APLP2: variants seen among roughly 807,000 people sequenced by gnomAD.
APLP2 encodes amyloid beta precursor like protein 2, also known as CDEI box-binding protein.
APLP2 carries 53 observed loss-of-function variants against 89.9 expected under a neutral mutation model. The ratio of observed to expected loss-of-function variants is 0.59; its 90% CI spans 0.47 to 0.74. APLP2 has a LOEUF of 0.74. Among genes scored for constraint, APLP2 ranks in the 30% least tolerant of loss-of-function variants. The pLI, the probability that APLP2 is intolerant of heterozygous loss-of-function variation, is 0.00. For missense variants in APLP2, 973 were observed against 975.9 expected (o/e 1.00, Z 0.04); for synonymous variants, 372 against 348.6 (o/e 1.07, Z -0.75).
In APLP2 at chr11:130,111,039, G is replaced by T. The variant is rs139038666; in HGVS notation, c.403+378G>T. Among the ~76,000 whole-genome samples, 12 of 152,210 alleles carry T rather than the reference G, an allele frequency of 7.9e-5. 1 individual carries two copies. In the South Asian group the frequency reaches 2.5e-3, roughly 32 times the overall value. ...TTTCCCTTACTTTCATCCCACACACGTTTGCACCATTTGACCAAATTTCTG... is the reference window on the plus strand; with the variant it reads ...TTTCCCTTACTTTCATCCCACACACTTTTGCACCATTTGACCAAATTTCTG... On this transcript the variant is annotated intron_variant, in intron 3 of 16. Coordinates refer to ENST00000338167, the MANE Select transcript of APLP2 (RefSeq NM_001142276.2).
intron 3 of APLP2, among the ~76,000 whole-genome samples, chr11:130,116,700 A>G (rs936756598): frequency 6.6e-6 from 1 of 151,864 alleles, no homozygotes; most frequent in Non-Finnish European, 1.5e-5. Flanking sequence ...TTGAACTCCT[A>G]ACCTCAAGTG....
At position 130,126,812 on chromosome 11, in the gene APLP2, C is replaced by T. The variant is rs753242187; in HGVS notation, c.1203C>T (p.His401=). Residue 401 remains histidine (H), a synonymous_variant, in exon 8 of 17, where the codon CAC becomes CAT. Coordinates refer to ENST00000338167, the MANE Select transcript of APLP2 (RefSeq NM_001142276.2). ...QKAKEQLEIR[H]RNRMDRVKKE... ...CTAAGGAGCAGCTGGAGATTCGGCA[C>T]CGCAACCGAATGGACAGGGTAAACC... is the stretch of plus-strand genomic sequence containing the variant. 31 of 1,614,102 alleles carry T rather than the reference C, an allele frequency of 1.9e-5. No individual in the cohort carries two copies. The highest frequency in any genetic ancestry group is 2.5e-5 in the Non-Finnish European group (29 of 1,180,044).
At chr11:130,131,682 A>G (rs1950954219) in intron 11 of APLP2, among the ~76,000 whole-genome samples, 1 of 152,182 alleles carries the variant, frequency 6.6e-6, no homozygotes, top group African/African-American at 2.4e-5. Flanking sequence ...TCACTTTCCA[A>G]ACTTTCTGGT....
intron 1 of APLP2, among the ~76,000 whole-genome samples, chr11:130,076,184 C>T (rs763866439): frequency 9.2e-5 from 14 of 152,134 alleles, no homozygotes; most frequent in South Asian, 2.1e-4. Flanking sequence ...AAGCGATTCT[C>T]GTGCCTCATC....
intron 1 of APLP2, among the ~76,000 whole-genome samples, chr11:130,079,423 C>T (rs556465968): frequency 3.3e-5 from 5 of 152,252 alleles, no homozygotes; most frequent in Admixed American, 3.3e-4. Context: ...TATTTAGGCC[C>T]TCTATAATTC....
At chr11:130,126,650 G>C in intron 7 of APLP2, 50 bp from the exon 8 acceptor site, 1 of 1,606,702 alleles carries the variant, frequency 6.2e-7, no homozygotes, top group Non-Finnish European at 8.5e-7. Context: ...TCTTCCTAGA[G>C]CACAGTGCAT....
intron 1 of APLP2, among the ~76,000 whole-genome samples, chr11:130,105,670 T>TTC (rs145339301): frequency 4.0e-5 from 6 of 150,704 alleles, no homozygotes; most frequent in South Asian, 2.1e-4. Context: ...GTCTCTCTCT[T>TTC]TCTCTCTCTC....
chr11:130,091,897 C>T (rs201422607), intron 1 of APLP2, among the ~76,000 whole-genome samples: 1,290 of 119,000 alleles, frequency 0.011, no homozygotes, highest in Non-Finnish European at 0.012. Flanking sequence ...GGGTGGCTGC[C>T]GGGCGGAGAG....
At chr11:130,126,595 C>A in intron 7 of APLP2, 105 bp from the exon 8 acceptor site, 1 of 1,377,804 alleles carries the variant, frequency 7.3e-7, no homozygotes, top group Non-Finnish European at 1.0e-6. Flanking sequence ...TTAGAGAATG[C>A]CACAAAACAA....
At chr11:130,128,242 A>G (rs1477971569) in intron 9 of APLP2, among the ~76,000 whole-genome samples, 1 of 152,358 alleles carries the variant, frequency 6.6e-6, no homozygotes, top group African/African-American at 2.4e-5. Context: ...TTTGTAGACT[A>G]TAACTAAAAT....
At chr11:130,124,695 C>G (rs192172185) in intron 7 of APLP2, among the ~76,000 whole-genome samples, 1 of 152,298 alleles carries the variant, frequency 6.6e-6, no homozygotes, top group East Asian at 1.9e-4. Flanking sequence ...GTTCCCTCTT[C>G]CTTCCTTCTA....
At chr11:130,132,619 T>TAA (rs1555144885) in intron 11 of APLP2, among the ~76,000 whole-genome samples, 83 of 137,628 alleles carry the variant, frequency 6.0e-4, no homozygotes, top group African/African-American at 2.2e-3. Context: ...TTTTTTTTTT[T>TAA]AAATAATGAA....
intron 13 of APLP2, chr11:130,138,988 A>G (rs1012512443): frequency 6.6e-6 from 1 of 152,114 alleles, no homozygotes; most frequent in African/African-American, 2.4e-5. Flanking sequence ...AGAGAAACAT[A>G]TATATGGAAG....
In APLP2 at chr11:130,130,112, T is replaced by C; in HGVS notation, c.1530T>C (p.His510=). The C allele has an allele frequency of 6.2e-7, 1 of 1,614,256 alleles. No homozygotes were observed. Among genetic ancestry groups the C allele is most frequent in the Non-Finnish European group, 8.5e-7 (1 of 1,180,046 alleles). The change falls in exon 11 of 17, where the codon CAT becomes CAC. Residue 510 remains histidine, a synonymous_variant. Transcript: ENST00000338167. ...ENKDRLHTIR[H]YQHVLAVDPE... Reference sequence around the variant, plus strand: ...AAGATCGCTTACATACCATCCGTCATTACCAGCATGTGTTGGCTGTTGACC... The same window carrying C: ...AAGATCGCTTACATACCATCCGTCACTACCAGCATGTGTTGGCTGTTGACC...
intron 1 of APLP2, among the ~76,000 whole-genome samples, chr11:130,092,997 A>T (rs1347704302): frequency 6.6e-6 from 1 of 152,138 alleles, no homozygotes; most frequent in African/African-American, 2.4e-5. Flanking sequence ...GACATAGATG[A>T]AACTAAATGT....
intron 16 of APLP2, among the ~76,000 whole-genome samples, 163 bp from the exon 17 acceptor site, chr11:130,143,184 C>T (rs1337435957): frequency 6.6e-6 from 1 of 152,166 alleles, no homozygotes; most frequent in Admixed American, 6.5e-5. Flanking sequence ...TTTTCTTTCT[C>T]CTGTGTTTCA....
Position 130,112,487 on chromosome 11 carries a change from C to T in APLP2, c.403+1826C>T, listed in dbSNP as rs769697875. 7.2e-4 allele frequency among the ~76,000 whole-genome samples: 110 copies of T among 152,178 alleles called. 2 individuals are homozygous for T. Among genetic ancestry groups the T allele is most frequent in the Non-Finnish European group, 1.9e-4 (13 of 68,022 alleles). On this transcript the variant is annotated intron_variant, in intron 3 of 16. Transcript: ENST00000338167. ...GGGTCTAAGGTGACAGGACACAGTA[C>T]TTATTAAGTTGTTGGGTCTAACTAC...
chr11:130,119,729 A>G (rs1196512606), intron 3 of APLP2, among the ~76,000 whole-genome samples: 1 of 152,138 alleles, frequency 6.6e-6, no homozygotes, highest in Non-Finnish European at 1.5e-5. Context: ...TTATATGTAT[A>G]TTTTTGTGTT....
intron 3 of APLP2, 78 bp from the exon 4 acceptor site, chr11:130,120,628 C>T: frequency 1.0e-6 from 1 of 1,004,154 alleles, no homozygotes; most frequent in Non-Finnish European, 1.6e-6. Flanking sequence ...TGTAGACTAT[C>T]ATCATAAACT....
Sources: allele counts gnomAD v4.1 joint callset (sites outside exome capture counted in the v4.1 genomes callset), GRCh38; gene constraint gnomAD v4.1.1; transcripts MANE v1.5; gene names NCBI Gene and HGNC (gene_info 2026-07-23, HGNC 2026-07-21).